STK38: variants seen among roughly 807,000 people sequenced by gnomAD.
STK38 encodes serine/threonine kinase 38.
Under a neutral mutation model 59.0 loss-of-function variants are expected in STK38, and 26 were observed. The ratio of observed to expected loss-of-function variants is 0.44; its 90% CI spans 0.32 to 0.61. STK38 has a LOEUF of 0.61. Ranked by LOEUF, STK38 falls within the 20% of genes least tolerant of loss-of-function variation. The pLI, the probability that STK38 is intolerant of heterozygous loss-of-function variation, is 0.04. For synonymous variants in STK38, 175 were observed against 176.6 expected (o/e 0.99, Z 0.07); for missense variants, 433 against 566.0 (o/e 0.76, Z 2.38).
intron 2 of STK38, among the ~76,000 whole-genome samples, chr6:36,527,216 A>G (rs192902704): frequency 0.028 from 3,956 of 139,330 alleles, 144 homozygotes; most frequent in Non-Finnish European, 0.031. Flanking sequence ...AAATATATGT[A>G]TATATATATA....
rs139485706 is a variant in STK38, at chr6:36,521,731, T to C, written c.390+3A>G. ...TAAAAGCACTGCTACAACTGTGCTT[T>C]ACCTGCTCTTTTTCAAGCATATCTG... On this transcript the variant is annotated splice_donor_region_variant and intron_variant, in intron 5 of 13. Transcript: ENST00000229812. The C allele has an allele frequency of 5.4e-5, 87 of 1,607,524 alleles. No individual in the cohort carries two copies. In the African/African-American group the frequency reaches 9.9e-4, roughly 18 times the overall value.
At chr6:36,530,601 G>C (rs1414927390) in intron 2 of STK38, among the ~76,000 whole-genome samples, 1 of 151,932 alleles carries the variant, frequency 6.6e-6, no homozygotes, top group African/African-American at 2.4e-5. Flanking sequence ...CTGACCTCAA[G>C]TGATCCACCC....
intron 9 of STK38, among the ~76,000 whole-genome samples, chr6:36,505,230 C>G (rs1738329893): frequency 1.3e-5 from 2 of 152,188 alleles, no homozygotes; most frequent in Admixed American, 1.3e-4. Flanking sequence ...AACTACTCCT[C>G]TGTGGAGAGA....
In STK38 at chr6:36,495,494, C is replaced by T. The variant is rs1776679732; in HGVS notation, c.*290G>A. 6.7e-6 allele frequency: 2 copies of T among 297,108 alleles called. No homozygotes were observed. The highest frequency in any genetic ancestry group is 4.3e-5 in the African/African-American group (2 of 46,430). 18.4% of individuals were successfully genotyped at this position (297,108 alleles called of 1,614,324 possible). The stretch of plus-strand genomic sequence containing the variant: ...TGTTTTTCCCCTTCATTCTGATGAA[C>T]TTAGGAAAACTCAAGTTATTTTTAA... On this transcript the variant is annotated 3_prime_UTR_variant, in exon 14 of 14. Transcript: ENST00000229812.
intron 2 of STK38, among the ~76,000 whole-genome samples, chr6:36,528,245 G>A (rs1582448891): frequency 6.6e-6 from 1 of 152,182 alleles, no homozygotes; most frequent in African/African-American, 2.4e-5. Flanking sequence ...AAAGAGGCTT[G>A]TGTGCAAAGG....
chr6:36,511,708 G>A (rs1403955987), intron 7 of STK38, among the ~76,000 whole-genome samples: 1 of 151,710 alleles, frequency 6.6e-6, no homozygotes, highest in Non-Finnish European at 1.5e-5. Context: ...AGCCAAGGAA[G>A]TTTATAGTTC....
rs2127482024 is a variant in STK38, at chr6:36,525,573, A to G, written c.183+18T>C. ...TGCCACGCTGGGTTTTAAGGAAAAC[A>G]TTGCCAATATTAATTACCTCCTCAT... On this transcript the variant is annotated intron_variant, in intron 3 of 13. Coordinates refer to ENST00000229812, the MANE Select transcript of STK38 (RefSeq NM_007271.4). 1 of 1,607,972 alleles carries G rather than the reference A, an allele frequency of 6.2e-7. No individual in the cohort carries two copies. The highest frequency in any genetic ancestry group is 8.5e-7 in the Non-Finnish European group (1 of 1,174,644).
chr6:36,501,291 C>A (rs1776831720), intron 9 of STK38, among the ~76,000 whole-genome samples: 1 of 152,050 alleles, frequency 6.6e-6, no homozygotes, highest in Non-Finnish European at 1.5e-5. Flanking sequence ...TCTACTCTAA[C>A]ATACCAGGAC....
chr6:36,518,875 A>G (rs759157448), intron 5 of STK38, among the ~76,000 whole-genome samples: 3 of 152,242 alleles, frequency 2.0e-5, no homozygotes, highest in Non-Finnish European at 4.4e-5. Context: ...TAAAACATGT[A>G]CCAAGGTTCA....
intron 3 of STK38, among the ~76,000 whole-genome samples, chr6:36,525,072 C>T (rs1561985635): frequency 2.0e-5 from 3 of 151,972 alleles, no homozygotes; most frequent in African/African-American, 4.8e-5. Flanking sequence ...CGGGGCCTGT[C>T]GGGGCATGGG....
At chr6:36,531,188 T>C (rs1777658522) in intron 2 of STK38, among the ~76,000 whole-genome samples, 1 of 152,190 alleles carries the variant, frequency 6.6e-6, no homozygotes, top group Non-Finnish European at 1.5e-5. Context: ...TAAGACCAAA[T>C]GAGGAATTTC....
intron 2 of STK38, among the ~76,000 whole-genome samples, chr6:36,538,848 C>T (rs1026394024): frequency 1.1e-4 from 16 of 141,884 alleles, no homozygotes; most frequent in Non-Finnish European, 1.8e-4. Flanking sequence ...GCCAAGACCA[C>T]GCCACTACAC....
At chr6:36,520,404 T>C (rs1777351205) in intron 5 of STK38, among the ~76,000 whole-genome samples, 1 of 152,188 alleles carries the variant, frequency 6.6e-6, no homozygotes, top group Non-Finnish European at 1.5e-5. Context: ...TACATAAAAT[T>C]ACTAACTGAA....
In STK38 at chr6:36,525,592, T is replaced by C. The variant is rs747274575; in HGVS notation, c.182A>G (p.Glu61Gly). 1 of 1,613,564 alleles carries C rather than the reference T, an allele frequency of 6.2e-7. No homozygotes were observed. Among genetic ancestry groups the C allele is most frequent in the South Asian group, 1.1e-5 (1 of 91,056 alleles). The change falls in exon 3 of 14, where the codon GAG becomes GGG. Residue 61 changes from glutamate to glycine, a missense_variant and splice_region_variant. Coordinates refer to ENST00000229812, the MANE Select transcript of STK38 (RefSeq NM_007271.4). Reference sequence around the variant, plus strand: ...GAAAACATTGCCAATATTAATTACCTCCTCATCTTTTAGGCCTTCTTCTTC... The same window carrying C: ...GAAAACATTGCCAATATTAATTACCCCCTCATCTTTTAGGCCTTCTTCTTC... ...VMEEEGLKDE[E>G]KRLRRSAHAR... is the part of the protein sequence containing the mutation.
chr6:36,532,307 CATAAAAA>C (rs1189673855), intron 2 of STK38, among the ~76,000 whole-genome samples: 1 of 103,556 alleles, frequency 9.7e-6, no homozygotes, highest in Non-Finnish European at 1.9e-5. Context: ...ACCTTGTCTG[CATAAAAA>C]AAAAAAAAAA....
At position 36,536,962 on chromosome 6, in the gene STK38, G is replaced by A. The variant is rs6933710; in HGVS notation, c.131+3110C>T. Among the ~76,000 whole-genome samples the A allele has an allele frequency of 5.2e-3, 780 of 150,710 alleles. 7 individuals carry two copies. Among genetic ancestry groups the A allele is most frequent in the African/African-American group, 0.017 (704 of 40,898 alleles). On this transcript the variant is annotated intron_variant, in intron 2 of 13. Transcript: ENST00000229812. The stretch of plus-strand genomic sequence containing the variant: ...TATTTAAAACCTCTGCTTGCCTAAA[G>A]ATTTTGTTAACAAGATGAGCAAGAA...
intron 1 of STK38, among the ~76,000 whole-genome samples, chr6:36,541,952 C>T (rs1440043230): frequency 6.6e-6 from 1 of 151,818 alleles, no homozygotes; most frequent in Non-Finnish European, 1.5e-5. Flanking sequence ...TCTCAGCCTC[C>T]CAAGTAGTTA....
intron 1 of STK38, among the ~76,000 whole-genome samples, chr6:36,541,136 T>A (rs1777926529): frequency 6.6e-6 from 1 of 151,380 alleles, no homozygotes; most frequent in Non-Finnish European, 1.5e-5. Flanking sequence ...CCTGACCTCA[T>A]GATCCGCCCA....
chr6:36,534,840 GAAA>G (rs756142387), intron 2 of STK38, among the ~76,000 whole-genome samples: 1 of 119,360 alleles, frequency 8.4e-6, no homozygotes. Flanking sequence ...CTAAGGCAAG[GAAA>G]AAAAAAAAAA....
Sources: allele counts gnomAD v4.1 joint callset (sites outside exome capture counted in the v4.1 genomes callset), GRCh38; gene constraint gnomAD v4.1.1; transcripts MANE v1.5; gene names NCBI Gene and HGNC (gene_info 2026-07-23, HGNC 2026-07-21).